The following MAGI2 variants were observed in gnomAD, a reference collection of about 807,000 sequenced individuals.
MAGI2 encodes the protein membrane associated guanylate kinase, WW and PDZ domain containing 2.
Under a neutral mutation model 133.3 loss-of-function variants are expected in MAGI2, and 35 were observed. The observed-to-expected ratio is 0.26, with a 90% CI of 0.20 to 0.35. The LOEUF (loss-of-function observed/expected upper bound fraction) is 0.35, where lower values mean the gene tolerates loss of function less well. MAGI2 is among the 10% of genes least tolerant of loss of function. The pLI is 1.00. For synonymous variants in MAGI2, 729 were observed against 710.6 expected (o/e 1.03, Z -0.41); for missense variants, 1,636 against 1,863.4 (o/e 0.88, Z 2.25).
chr7:78,996,006 T>A (rs1562765337), intron 2 of MAGI2, among the ~76,000 whole-genome samples: 3 of 152,172 alleles, frequency 2.0e-5, no homozygotes, highest in Non-Finnish European at 4.4e-5. Flanking sequence ...CTGAAGAATA[T>A]TTCTTGCACA....
chr7:79,444,827 A>G (rs1848732187), intron 1 of MAGI2, among the ~76,000 whole-genome samples: 1 of 152,218 alleles, frequency 6.6e-6, no homozygotes, highest in Non-Finnish European at 1.5e-5. Context: ...TAAAGTTCAT[A>G]TGGAACCAAA....
rs575054120 is a variant in MAGI2, at chr7:78,935,934, C to A, written c.418+71156G>T. 2.0e-5 allele frequency among the ~76,000 whole-genome samples: 3 copies of A among 152,192 alleles called. No homozygotes were observed. The East Asian group carries it at 5.8e-4, about 29-fold the overall frequency. On this transcript the variant is annotated intron_variant, in intron 2 of 21. Coordinates refer to ENST00000354212, the MANE Select transcript of MAGI2 (RefSeq NM_012301.4). ...CATCACATCCAACTTAAAAGAGACA[C>A]CCAGCTGTGCTGAACTTTTCTATTA...
chr7:79,155,293 A>G (rs993702861), intron 1 of MAGI2, among the ~76,000 whole-genome samples: 4 of 152,146 alleles, frequency 2.6e-5, no homozygotes, highest in Admixed American at 2.6e-4. Flanking sequence ...TCACTCATTC[A>G]TGTACTCATC....
At chr7:78,073,007 C>T (rs1814875398) in intron 21 of MAGI2, 1 of 398,574 alleles carries the variant, frequency 2.5e-6, no homozygotes, top group Non-Finnish European at 4.4e-6. Flanking sequence ...TTACTTATTG[C>T]TATCTACATA....
chr7:79,005,063 C>G (rs988471657), intron 2 of MAGI2, among the ~76,000 whole-genome samples: 1 of 137,730 alleles, frequency 7.3e-6, no homozygotes, highest in Non-Finnish European at 1.6e-5. Flanking sequence ...GCCTGGGTAA[C>G]AAGAGCAAAA....
chr7:78,451,361 A>G (rs1788706252), intron 6 of MAGI2, among the ~76,000 whole-genome samples: 2 of 152,198 alleles, frequency 1.3e-5, no homozygotes, highest in South Asian at 4.1e-4. Flanking sequence ...ATAAAAAGGG[A>G]ACTGCTTTTT....
chr7:79,088,890 C>A (rs541485827), intron 1 of MAGI2, among the ~76,000 whole-genome samples: 4 of 151,890 alleles, frequency 2.6e-5, no homozygotes, highest in African/African-American at 4.8e-5. Flanking sequence ...TAGGCATGGG[C>A]AAAGACTTCA....
At chr7:78,279,741 A>G (rs1188427016) in intron 9 of MAGI2, among the ~76,000 whole-genome samples, 1 of 152,132 alleles carries the variant, frequency 6.6e-6, no homozygotes, top group African/African-American at 2.4e-5. Flanking sequence ...TGGTCCATCC[A>G]GAGTGTTCCT....
intron 6 of MAGI2, among the ~76,000 whole-genome samples, chr7:78,377,547 G>A (rs911479571): frequency 6.6e-6 from 1 of 151,704 alleles, no homozygotes; most frequent in Non-Finnish European, 1.5e-5. Context: ...AGAGGGGGCT[G>A]TTCCTTGGAG....
chr7:78,579,490 C>A (rs1174266742), intron 3 of MAGI2, among the ~76,000 whole-genome samples: 1 of 152,126 alleles, frequency 6.6e-6, no homozygotes, highest in African/African-American at 2.4e-5. Context: ...TCCCCTTCTA[C>A]CAGGGAGAAC....
chr7:78,908,642 A>G (rs1798156834), intron 2 of MAGI2, among the ~76,000 whole-genome samples: 1 of 152,198 alleles, frequency 6.6e-6, no homozygotes, highest in African/African-American at 2.4e-5. Flanking sequence ...TGAGAAAGAA[A>G]ATAAGCTGAT....
At chr7:78,533,319 G>C (rs1339630453) in intron 3 of MAGI2, among the ~76,000 whole-genome samples, 1 of 152,086 alleles carries the variant, frequency 6.6e-6, no homozygotes, top group Non-Finnish European at 1.5e-5. Flanking sequence ...AGCACAGTAG[G>C]GAAAGAAATG....
chr7:78,651,038 C>T (rs1314271998), intron 2 of MAGI2, among the ~76,000 whole-genome samples: 2 of 152,092 alleles, frequency 1.3e-5, no homozygotes, highest in Admixed American at 6.5e-5. Flanking sequence ...CATCATTTTT[C>T]ATGAAGCTTG....
intron 1 of MAGI2, among the ~76,000 whole-genome samples, chr7:79,418,236 G>C (rs1427487754): frequency 6.6e-6 from 1 of 151,992 alleles, no homozygotes; most frequent in Non-Finnish European, 1.5e-5. Context: ...CTTTATGTAG[G>C]TTAGATAATA....
intron 1 of MAGI2, chr7:79,415,110 T>A (rs1846409655): frequency 6.6e-6 from 1 of 152,114 alleles, no homozygotes; most frequent in South Asian, 2.1e-4. Context: ...AAGAATAGGA[T>A]CAGAGAATAT....
intron 1 of MAGI2, among the ~76,000 whole-genome samples, chr7:79,398,035 T>C (rs1845187813): frequency 6.6e-6 from 1 of 152,204 alleles, no homozygotes; most frequent in Admixed American, 6.6e-5. Context: ...TTTGTCCATG[T>C]GCCTTTTAAT....
At chr7:78,587,124 G>T (rs1368840666) in intron 3 of MAGI2, among the ~76,000 whole-genome samples, 1 of 152,160 alleles carries the variant, frequency 6.6e-6, no homozygotes, top group Non-Finnish European at 1.5e-5. Flanking sequence ...TTGTTTGACA[G>T]TTCTATTTTT....
chr7:78,468,497 C>G (rs1314108507), intron 6 of MAGI2, among the ~76,000 whole-genome samples: 1 of 152,086 alleles, frequency 6.6e-6, no homozygotes, highest in Non-Finnish European at 1.5e-5. Context: ...GGCTGTCATT[C>G]TTGCTTTTAC....
At chr7:78,733,138 A>T (rs1821526628) in intron 2 of MAGI2, among the ~76,000 whole-genome samples, 1 of 152,236 alleles carries the variant, frequency 6.6e-6, no homozygotes, top group Admixed American at 6.5e-5. Context: ...TGTGAGGTTC[A>T]TGAGGAAACT....
Sources: gnomAD v4.1 joint callset for allele counts (sites outside exome capture counted in the v4.1 genomes callset) on GRCh38, gnomAD v4.1.1 for gene constraint, MANE v1.5 for transcripts, NCBI Gene and HGNC (gene_info 2026-07-23, HGNC 2026-07-21) for gene names.